Variants in GPBP1 observed in about 807,000 individuals in gnomAD.
The protein encoded by GPBP1 is GC-rich promoter binding protein 1.
Under a neutral mutation model 56.5 loss-of-function variants are expected in GPBP1, and 13 were observed. That is an observed-to-expected ratio of 0.23 (90% CI 0.15 to 0.37). The LOEUF (loss-of-function observed/expected upper bound fraction) is 0.37. Among genes scored for constraint, GPBP1 ranks in the 10% least tolerant of loss-of-function variants. The pLI is 1.00. For missense variants in GPBP1, 477 were observed against 572.3 expected (o/e 0.83, Z 1.70); for synonymous variants, 204 against 188.9 (o/e 1.08, Z -0.66).
intron 8 of GPBP1, among the ~76,000 whole-genome samples, 183 bp downstream of exon 8, chr5:57,247,398 A>C (rs1182904801): frequency 1.3e-5 from 2 of 152,194 alleles, no homozygotes; most frequent in African/African-American, 4.8e-5. Context: ...GAATCATTTA[A>C]AATATTTTAA....
intron 2 of GPBP1, among the ~76,000 whole-genome samples, chr5:57,204,968 A>G (rs1755168091): frequency 6.6e-6 from 1 of 152,218 alleles, no homozygotes; most frequent in South Asian, 2.1e-4. Context: ...TAAAAATAAC[A>G]TCACATAAAG....
chr5:57,199,425 TGTG>T (rs1224719469), intron 2 of GPBP1, among the ~76,000 whole-genome samples: 25 of 152,248 alleles, frequency 1.6e-4, no homozygotes, highest in Non-Finnish European at 2.6e-4. Flanking sequence ...AAACCAGTAA[TGTG>T]GTGTATTGGG....
chr5:57,223,274 A>G (rs866867266), intron 3 of GPBP1, among the ~76,000 whole-genome samples: 20 of 152,198 alleles, frequency 1.3e-4, no homozygotes, highest in African/African-American at 4.6e-4. Flanking sequence ...TATTTTTAGT[A>G]GAGACAGGTT....
chr5:57,239,548 A>G (rs1260815503), intron 6 of GPBP1, among the ~76,000 whole-genome samples: 1 of 151,752 alleles, frequency 6.6e-6, no homozygotes, highest in Admixed American at 6.6e-5. Flanking sequence ...TGGGAGGCCA[A>G]GGTGGGCTGA....
At position 57,231,331 on chromosome 5, in the gene GPBP1, T is replaced by G. The variant is rs140059084; in HGVS notation, c.411+10T>G. 83 of 1,595,412 alleles carry G rather than the reference T, an allele frequency of 5.2e-5. No homozygotes were observed. In the African/African-American group the frequency reaches 8.5e-4, roughly 16 times the overall value. On this transcript the variant is annotated intron_variant, in intron 5 of 11. Transcript: ENST00000506184. ...TGAAGCTGAGGATTTTGTAAGTTTT[T>G]TATGACTTTTATACAAATGAAGTTT...
intron 5 of GPBP1, among the ~76,000 whole-genome samples, chr5:57,231,722 A>G (rs779999731): frequency 2.0e-5 from 3 of 152,142 alleles, no homozygotes; most frequent in African/African-American, 7.2e-5. Context: ...CTCTTTTTAT[A>G]TATTCATTGT....
rs546476939 is a variant in GPBP1 at position 57,232,564 on chromosome 5, C to A, written c.411+1243C>A. 2.6e-5 allele frequency among the ~76,000 whole-genome samples: 4 copies of A among 152,268 alleles called. No homozygotes were observed. The South Asian group carries it at 8.3e-4, about 32-fold the overall frequency. Reference sequence around the variant, plus strand: ...CATTCCACAAGTTACTTCCTCCTTCCTTTGTTCTCTGCCTTTGCCTCTTTT... The same window carrying A: ...CATTCCACAAGTTACTTCCTCCTTCATTTGTTCTCTGCCTTTGCCTCTTTT... On this transcript the variant is annotated intron_variant, in intron 5 of 11. Transcript: ENST00000506184.
chr5:57,222,538 A>G (rs1755997220), intron 3 of GPBP1, among the ~76,000 whole-genome samples: 1 of 152,112 alleles, frequency 6.6e-6, no homozygotes, highest in Non-Finnish European at 1.5e-5. Context: ...CTTTTTTTCA[A>G]GGATACCATC....
In GPBP1 at chr5:57,255,203, CTTCTCTTTCCCT is replaced by C. The variant is rs1400330363; in HGVS notation, c.1160+4069_1160+4080del. 5.8e-5 allele frequency among the ~76,000 whole-genome samples: 7 copies of C among 120,798 alleles called. No individual in the cohort carries two copies. In the South Asian group the frequency reaches 1.6e-3, roughly 28 times the overall value. 79.2% of individuals were successfully genotyped at this position (120,798 alleles called of 152,430 possible). ...TCACGTCCTCTCTCTCTTCTCTCCCCTTCTCTTTCCCTTTCTCTCCCCTTTCCTCTCCTCCCC... is the reference window on the plus strand; with the variant it reads ...TCACGTCCTCTCTCTCTTCTCTCCCCTTCTCTCCCCTTTCCTCTCCTCCCC... On this transcript the variant is annotated intron_variant, in intron 10 of 11. Coordinates refer to ENST00000506184, the MANE Select transcript of GPBP1 (RefSeq NM_022913.4).
chr5:57,209,657 GT>G (rs1379615977), intron 2 of GPBP1, among the ~76,000 whole-genome samples: 1 of 152,036 alleles, frequency 6.6e-6, no homozygotes, highest in Non-Finnish European at 1.5e-5. Flanking sequence ...GGTTGAGCAA[GT>G]TTCCTTCTTG....
chr5:57,220,441 A>G (rs1755905545), intron 3 of GPBP1, among the ~76,000 whole-genome samples: 2 of 151,582 alleles, frequency 1.3e-5, no homozygotes, highest in African/African-American at 2.4e-5. Flanking sequence ...TAGCTTTAGA[A>G]AATAGTTGAC....
chr5:57,238,029 C>G (rs1318426319), intron 6 of GPBP1, among the ~76,000 whole-genome samples: 3 of 152,030 alleles, frequency 2.0e-5, no homozygotes, highest in Non-Finnish European at 4.4e-5. Flanking sequence ...CACCCTCATG[C>G]AGCTTATATC....
chr5:57,196,481 T>C (rs1754753281), intron 2 of GPBP1, among the ~76,000 whole-genome samples: 1 of 152,220 alleles, frequency 6.6e-6, no homozygotes, highest in Non-Finnish European at 1.5e-5. Context: ...TCCACCTGTT[T>C]TGTGTTGTGT....
intron 6 of GPBP1, among the ~76,000 whole-genome samples, chr5:57,238,576 A>T (rs1004986128): frequency 3.3e-5 from 5 of 152,152 alleles, no homozygotes; most frequent in Admixed American, 2.0e-4. Flanking sequence ...AAATAAATAA[A>T]TAAATAAATT....
intron 2 of GPBP1, among the ~76,000 whole-genome samples, chr5:57,190,387 C>T (rs1158453339): frequency 6.6e-6 from 1 of 151,948 alleles, no homozygotes; most frequent in Non-Finnish European, 1.5e-5. Context: ...GAGTTCAAGA[C>T]CAGCCTGGCC....
intron 3 of GPBP1, among the ~76,000 whole-genome samples, chr5:57,225,508 A>AC (rs1554069041): frequency 0.039 from 4,818 of 123,584 alleles, 391 homozygotes; most frequent in African/African-American, 0.13. Context: ...AAAAAAAAAA[A>AC]AAACAAACTG....
chr5:57,226,553 C>CTTTTTTTTTT (rs34180383), intron 3 of GPBP1, among the ~76,000 whole-genome samples: 14 of 62,130 alleles, frequency 2.3e-4, no homozygotes, highest in South Asian at 7.6e-4. Context: ...AGCATTTTTG[C>CTTTTTTTTTT]TTTTTTTTTT....
At position 57,174,128 on chromosome 5, in the gene GPBP1, G is replaced by C. The variant is rs1474649020; in HGVS notation, c.-1094G>C. On this transcript the variant is annotated 5_prime_UTR_variant, in exon 1 of 12. Coordinates refer to ENST00000506184, the MANE Select transcript of GPBP1 (RefSeq NM_022913.4). ...GGGGGAGGGAAAAGCGGCAAAAGGG[G>C]ATTATTCAAAGTACCGAAAACCTTC... is the stretch of plus-strand genomic sequence containing the variant. The C allele has an allele frequency of 6.5e-6, 1 of 153,340 alleles. No homozygotes were observed. The highest frequency in any genetic ancestry group is 6.5e-5 in the Admixed American group (1 of 15,270). 9.5% of individuals were successfully genotyped at this position (153,340 alleles called of 1,614,324 possible). A position where few individuals can be genotyped will look rare whatever the true frequency, so the allele number is the denominator to read the frequency against.
At position 57,251,109 on chromosome 5, in the gene GPBP1, T is replaced by C. The variant is rs775485523; in HGVS notation, c.1128T>C (p.Asp376=). The change falls in exon 10 of 12, where the codon GAT becomes GAC. Residue 376 remains aspartate (D), a synonymous_variant. Transcript: ENST00000506184. ...GGTCTTCAACCTTCCCACAAACTGA[T>C]GTTCTTTCAAGTTCACTTGAGGCAG... ...IIRSSTFPQT[D]VLSSSLEAEH... is the part of the protein sequence containing the mutation. 6.2e-7 allele frequency: 1 copy of C among 1,611,042 alleles called. No homozygotes were observed. Among genetic ancestry groups the C allele is most frequent in the Admixed American group, 1.7e-5 (1 of 59,218 alleles).
Sources: allele counts gnomAD v4.1 joint callset (sites outside exome capture counted in the v4.1 genomes callset), GRCh38; gene constraint gnomAD v4.1.1; transcripts MANE v1.5; gene names NCBI Gene and HGNC (gene_info 2026-07-23, HGNC 2026-07-21).